ERC2: variants seen among roughly 807,000 people sequenced by gnomAD.
ERC2 encodes ELKS/RAB6-interacting/CAST family member 2, also known as ERC protein 2.
A neutral mutation model predicts 114.8 loss-of-function variants in ERC2; 42 were observed. The observed-to-expected ratio is 0.37, with a 90% CI of 0.29 to 0.47. The LOEUF is 0.47. Among genes scored for constraint, ERC2 ranks in the 20% least tolerant of loss-of-function variants. The probability of loss-of-function intolerance (pLI) is 0.99; values close to 1 mark genes in which losing one functional copy is unlikely to be tolerated. For missense variants in ERC2, 939 were observed against 1,150.7 expected, an observed-to-expected ratio of 0.82 and a Z score of 2.66; for synonymous variants, 454 against 425.5, an observed-to-expected ratio of 1.07 and a Z score of -0.82.
At chr3:56,136,802 A>C (rs901234190) in intron 6 of ERC2, among the ~76,000 whole-genome samples, 6 of 152,168 alleles carry the variant, frequency 3.9e-5, no homozygotes, top group Non-Finnish European at 7.3e-5. Flanking sequence ...GTACAAAGAG[A>C]TCTTAAAAGG....
intron 2 of ERC2, among the ~76,000 whole-genome samples, chr3:56,333,933 C>A (rs2057742904): frequency 6.6e-6 from 1 of 152,208 alleles, no homozygotes; most frequent in Non-Finnish European, 1.5e-5. Flanking sequence ...ATAACCCACT[C>A]TCTCCCACTG....
intron 8 of ERC2, among the ~76,000 whole-genome samples, chr3:56,016,346 C>A (rs947965972): frequency 6.6e-6 from 1 of 151,196 alleles, no homozygotes; most frequent in Non-Finnish European, 1.5e-5. Context: ...CTGGGTTTTA[C>A]GTTTAAATCT....
intron 3 of ERC2, among the ~76,000 whole-genome samples, chr3:56,230,631 T>A (rs796790600): frequency 4.6e-5 from 7 of 152,214 alleles, no homozygotes; most frequent in African/African-American, 1.7e-4. Flanking sequence ...TTCAAAGTCA[T>A]TGCTCAGGAA....
chr3:56,339,025 G>A (rs758003715), intron 2 of ERC2, among the ~76,000 whole-genome samples: 114 of 152,234 alleles, frequency 7.5e-4, no homozygotes, highest in Middle Eastern at 3.4e-3. Context: ...CAATAGCCTC[G>A]AGTCCCCAGT....
intron 13 of ERC2, among the ~76,000 whole-genome samples, chr3:55,934,210 A>G (rs1398746257): frequency 6.6e-6 from 1 of 152,228 alleles, no homozygotes; most frequent in African/African-American, 2.4e-5. Flanking sequence ...AAAGACATAA[A>G]TCTTGCATTT....
intron 2 of ERC2, among the ~76,000 whole-genome samples, chr3:56,408,637 T>C (rs1374418579): frequency 1.3e-5 from 2 of 152,200 alleles, no homozygotes; most frequent in African/African-American, 2.4e-5. Context: ...ATATGAGTAA[T>C]AGATATTTAC....
intron 2 of ERC2, among the ~76,000 whole-genome samples, chr3:56,330,227 C>A (rs1378357018): frequency 6.6e-6 from 1 of 152,058 alleles, no homozygotes; most frequent in Non-Finnish European, 1.5e-5. Flanking sequence ...TACTTAGAGA[C>A]AAGGTTTCGC....
chr3:55,627,883 CTTTTTTTTT>C lies in ERC2; in HGVS notation c.*39+55902_*39+55910del, dbSNP rs10714648. ...AAATCATCTGGACTGGGACTTGGTG[CTTTTTTTTT>C]TTTTTTTTTTTTTGAAGAAAGGGGG... On this transcript the variant is annotated intron_variant, in intron 17 of 17. Transcript: ENST00000288221. 6.1e-5 allele frequency among the ~76,000 whole-genome samples: 5 copies of C among 82,576 alleles called. No individual in the cohort carries two copies. The East Asian group carries it at 1.5e-3, about 24-fold the overall frequency. 54.2% of individuals were successfully genotyped at this position (82,576 alleles called of 152,430 possible). A position where few individuals can be genotyped will look rare whatever the true frequency, so the allele number is the denominator to read the frequency against.
intron 17 of ERC2, among the ~76,000 whole-genome samples, chr3:55,613,485 C>T (rs911764700): frequency 2.2e-4 from 33 of 152,178 alleles, no homozygotes; most frequent in African/African-American, 7.5e-4. Context: ...TACACATTCA[C>T]AACATTTTCC....
chr3:55,938,632 T>C lies in ERC2; in HGVS notation c.2403+11793A>G, dbSNP rs115971112. Among the ~76,000 whole-genome samples the C allele has an allele frequency of 5.9e-3, 901 of 152,318 alleles. 15 individuals carry two copies. The highest frequency in any genetic ancestry group is 0.021 in the African/African-American group (868 of 41,572). ...GATGTACACTCAAGGTTATATTGTTTAACAGTTAACATTTTTAAATGTGCG... is the reference window on the plus strand; with the variant it reads ...GATGTACACTCAAGGTTATATTGTTCAACAGTTAACATTTTTAAATGTGCG... On this transcript the variant is annotated intron_variant, in intron 13 of 17. Transcript: ENST00000288221.
intron 1 of ERC2, among the ~76,000 whole-genome samples, chr3:56,436,725 A>G (rs775013662): frequency 1.1e-4 from 16 of 152,198 alleles, no homozygotes; most frequent in Non-Finnish European, 2.2e-4. Context: ...AAGACTCCAT[A>G]CTAGGACTCT....
chr3:56,061,932 C>A (rs1488229097), intron 7 of ERC2, among the ~76,000 whole-genome samples: 1 of 152,142 alleles, frequency 6.6e-6, no homozygotes, highest in Non-Finnish European at 1.5e-5. Flanking sequence ...GGTATAAGCA[C>A]ATTACCGTGA....
chr3:55,637,390 C>T (rs2148644658), intron 17 of ERC2, among the ~76,000 whole-genome samples: 1 of 152,326 alleles, frequency 6.6e-6, no homozygotes, highest in South Asian at 2.1e-4. Flanking sequence ...GCATCTCTAC[C>T]TGCTGAGGAC....
chr3:56,000,095 T>C (rs918154050), intron 10 of ERC2, among the ~76,000 whole-genome samples: 3 of 151,958 alleles, frequency 2.0e-5, no homozygotes, highest in Non-Finnish European at 4.4e-5. Context: ...TTCAATAAAA[T>C]AGTATCAAGA....
intron 12 of ERC2, among the ~76,000 whole-genome samples, chr3:55,978,447 T>C (rs1209032797): frequency 2.0e-5 from 3 of 152,192 alleles, no homozygotes; most frequent in African/African-American, 4.8e-5. Flanking sequence ...TGGGAGAAAA[T>C]GTCTAAAGTC....
At chr3:56,231,967 T>C (rs998732590) in intron 3 of ERC2, among the ~76,000 whole-genome samples, 1 of 150,910 alleles carries the variant, frequency 6.6e-6, no homozygotes, top group Non-Finnish European at 1.5e-5. Context: ...GACCTAGACA[T>C]AGTTTTTTTT....
At chr3:55,722,363 T>G (rs1373026685) in intron 15 of ERC2, among the ~76,000 whole-genome samples, 1 of 152,076 alleles carries the variant, frequency 6.6e-6, no homozygotes, top group East Asian at 1.9e-4. Context: ...CTGGCTGCAG[T>G]TTGTCCTCAC....
intron 17 of ERC2, among the ~76,000 whole-genome samples, chr3:55,600,703 G>A (rs2058360067): frequency 6.6e-6 from 1 of 152,254 alleles, no homozygotes; most frequent in South Asian, 2.1e-4. Flanking sequence ...GAAGAGTGCT[G>A]TTGGGGGCAG....
intron 2 of ERC2, 43 bp from the exon 3 acceptor site, chr3:56,296,478 A>G: frequency 6.4e-7 from 1 of 1,552,576 alleles, no homozygotes; most frequent in Non-Finnish European, 8.7e-7. Flanking sequence ...AAGAAGGAAA[A>G]AAAGTCAATG....
Sources: gnomAD v4.1 joint callset for allele counts (sites outside exome capture counted in the v4.1 genomes callset) on GRCh38, gnomAD v4.1.1 for gene constraint, MANE v1.5 for transcripts, NCBI Gene and HGNC (gene_info 2026-07-23, HGNC 2026-07-21) for gene names.